Variants in NR3C2 observed in about 807,000 individuals in gnomAD.
NR3C2 encodes nuclear receptor subfamily 3 group C member 2, also known as mineralocorticoid receptor.
In NR3C2, 15 loss-of-function variants were observed where a neutral mutation model predicts 86.4. The ratio of observed to expected loss-of-function variants is 0.17; its 90% CI spans 0.12 to 0.27. NR3C2 has a LOEUF of 0.27. Among genes scored for constraint, NR3C2 ranks in the 10% least tolerant of loss-of-function variants. NR3C2 has a pLI of 1.00. For missense variants in NR3C2, 960 were observed against 1,195.6 expected (o/e 0.80, Z 2.91); for synonymous variants, 458 against 450.5 (o/e 1.02, Z -0.21).
chr4:148,314,352 A>G (rs1325690443), intron 2 of NR3C2, among the ~76,000 whole-genome samples: 1 of 152,146 alleles, frequency 6.6e-6, no homozygotes, highest in Non-Finnish European at 1.5e-5. Flanking sequence ...TTTTTTAGAT[A>G]TATAACTATG....
intron 3 of NR3C2, among the ~76,000 whole-genome samples, chr4:148,203,177 T>C (rs1406225242): frequency 5.9e-5 from 9 of 152,148 alleles, no homozygotes; most frequent in Non-Finnish European, 1.0e-4. Flanking sequence ...AATCTGAGGG[T>C]TTGGTTGTTG....
At chr4:148,214,745 G>A (rs59699864) in intron 3 of NR3C2, among the ~76,000 whole-genome samples, 3,820 of 152,288 alleles carry the variant, frequency 0.025, 153 homozygotes, top group African/African-American at 0.088. Context: ...GCCAATGGCT[G>A]GCATGCTGGA....
chr4:148,383,952 G>GGA (rs374003018), intron 2 of NR3C2, among the ~76,000 whole-genome samples: 118 of 120,194 alleles, frequency 9.8e-4, no homozygotes, highest in Non-Finnish European at 1.7e-3. Flanking sequence ...TGTCTCAGGG[G>GGA]AAAAAAAAAA....
chr4:148,126,888 T>G (rs1406861323), intron 6 of NR3C2, among the ~76,000 whole-genome samples: 2 of 152,208 alleles, frequency 1.3e-5, no homozygotes, highest in Non-Finnish European at 2.9e-5. Context: ...TAGGTACATG[T>G]GAAGCCAGGA....
intron 4 of NR3C2, among the ~76,000 whole-genome samples, chr4:148,173,811 T>G (rs1345590965): frequency 6.6e-6 from 1 of 152,274 alleles, no homozygotes. Context: ...AAACCAGCAG[T>G]GCTGACACAG....
intron 6 of NR3C2, among the ~76,000 whole-genome samples, chr4:148,142,947 T>C (rs1452960837): frequency 1.3e-5 from 2 of 152,180 alleles, no homozygotes; most frequent in African/African-American, 4.8e-5. Flanking sequence ...ATGTGCCTAC[T>C]CTCCCTTCAG....
At chr4:148,158,043 C>G (rs1334169497) in intron 4 of NR3C2, among the ~76,000 whole-genome samples, 1 of 152,150 alleles carries the variant, frequency 6.6e-6, no homozygotes, top group Admixed American at 6.5e-5. Context: ...TAGACTATCT[C>G]TTTAATAAAA....
At chr4:148,334,013 C>T (rs937881179) in intron 2 of NR3C2, among the ~76,000 whole-genome samples, 2 of 151,792 alleles carry the variant, frequency 1.3e-5, no homozygotes, top group African/African-American at 4.8e-5. Context: ...AATTAGAAAA[C>T]GAATTGTGAA....
chr4:148,390,227 CA>C (rs1747474916), intron 2 of NR3C2, among the ~76,000 whole-genome samples: 2 of 143,934 alleles, frequency 1.4e-5, no homozygotes, highest in African/African-American at 5.2e-5. Context: ...AGGAACCCTT[CA>C]AGTATACATT....
intron 2 of NR3C2, among the ~76,000 whole-genome samples, chr4:148,280,899 C>T (rs1407896226): frequency 1.3e-5 from 2 of 152,188 alleles, no homozygotes; most frequent in African/African-American, 4.8e-5. Context: ...AATGTGTGTA[C>T]TAATTCCTCT....
chr4:148,254,149 G>A (rs1739713482), intron 3 of NR3C2, among the ~76,000 whole-genome samples: 2 of 152,150 alleles, frequency 1.3e-5, no homozygotes, highest in Non-Finnish European at 1.5e-5. Flanking sequence ...CTCAAGTGAT[G>A]AAAACAGCCA....
At chr4:148,408,923 T>C (rs1479907231) in intron 2 of NR3C2, among the ~76,000 whole-genome samples, 5 of 152,202 alleles carry the variant, frequency 3.3e-5, no homozygotes, top group Non-Finnish European at 7.4e-5. Flanking sequence ...TCTTGAAAGT[T>C]ATTAGAAATA....
intron 2 of NR3C2, among the ~76,000 whole-genome samples, chr4:148,277,443 A>T (rs1181288539): frequency 6.6e-6 from 1 of 152,172 alleles, no homozygotes; most frequent in Non-Finnish European, 1.5e-5. Flanking sequence ...AAGCCCAAGC[A>T]CAGTGCTGCA....
intron 2 of NR3C2, among the ~76,000 whole-genome samples, chr4:148,388,335 A>T (rs930739303): frequency 6.6e-6 from 1 of 152,170 alleles, no homozygotes; most frequent in Non-Finnish European, 1.5e-5. Context: ...GAAAATCTTA[A>T]ACCTGAAAAA....
rs77124764 is a variant in NR3C2, at chr4:148,242,280, G to A, written c.1897+17698C>T. Among the ~76,000 whole-genome samples, 330 of 152,232 alleles carry A rather than the reference G, an allele frequency of 2.2e-3. 2 individuals carry two copies. Among genetic ancestry groups the A allele is most frequent in the African/African-American group, 6.9e-3 (285 of 41,540 alleles). ...AACAGGCACAAAGTAAGGAGATGGC[G>A]GCATCTGTTGCTGGTGGGGATGGAG... On this transcript the variant is annotated intron_variant, in intron 3 of 8. Transcript: ENST00000358102.
chr4:148,100,619 T>A (rs1421255201), intron 8 of NR3C2, among the ~76,000 whole-genome samples: 2 of 152,230 alleles, frequency 1.3e-5, no homozygotes, highest in Non-Finnish European at 2.9e-5. Flanking sequence ...TTCACTGTTG[T>A]TAGCAATGAA....
intron 2 of NR3C2, among the ~76,000 whole-genome samples, chr4:148,407,837 T>C (rs565362609): frequency 6.6e-6 from 1 of 152,208 alleles, no homozygotes; most frequent in African/African-American, 2.4e-5. Context: ...TATTTACTAC[T>C]GGAATGATGT....
chr4:148,309,061 T>G (rs1371443022), intron 2 of NR3C2, among the ~76,000 whole-genome samples: 2 of 152,020 alleles, frequency 1.3e-5, no homozygotes, highest in East Asian at 3.9e-4. Flanking sequence ...AAAAAAAGTT[T>G]GAGATGATGG....
upstream of NR3C2, chr4:148,444,318 G>C (rs953456141): frequency 3.0e-6 from 3 of 985,288 alleles, no homozygotes; most frequent in Non-Finnish European, 2.4e-6. Flanking sequence ...ACCGTGCAGG[G>C]GCAGCCGCCG....
Sources: allele counts gnomAD v4.1 joint callset (sites outside exome capture counted in the v4.1 genomes callset), GRCh38; gene constraint gnomAD v4.1.1; transcripts MANE v1.5; gene names NCBI Gene and HGNC (gene_info 2026-07-23, HGNC 2026-07-21).